The following VWF variants were observed in gnomAD, a reference collection of about 807,000 sequenced individuals.
The protein encoded by VWF is von Willebrand factor, also known as Factor VIII related antigen.
VWF carries 176 observed loss-of-function variants against 308.6 expected under a neutral mutation model. The ratio of observed to expected loss-of-function variants is 0.57; its 90% CI spans 0.50 to 0.65. The LOEUF (loss-of-function observed/expected upper bound fraction) is 0.65. VWF is among the 30% of genes least tolerant of loss of function. The pLI, the probability that VWF is intolerant of heterozygous loss-of-function variation, is 0.00. For missense variants in VWF, 3,146 were observed against 3,648.2 expected (o/e 0.86, Z 3.55); for synonymous variants, 1,385 against 1,443.4 (o/e 0.96, Z 0.92).
rs944266653 is a variant in VWF at position 6,005,001 on chromosome 12, T to C, written c.5842+6616A>G. On this transcript the variant is annotated intron_variant, in intron 34 of 51. Transcript: ENST00000261405. ...AAAATGCCAGTTCTCCCAAAGTTAATGTATAAATTTAATGCAATTCCAATA... is the reference window on the plus strand; with the variant it reads ...AAAATGCCAGTTCTCCCAAAGTTAACGTATAAATTTAATGCAATTCCAATA... Among the ~76,000 whole-genome samples the C allele has an allele frequency of 5.9e-5, 9 of 152,314 alleles. No individual in the cohort carries two copies. The South Asian group carries it at 8.3e-4, about 14-fold the overall frequency.
rs748821831 is a variant in VWF, at chr12:5,969,490, G to A, written c.7549-99C>T. Reference sequence around the variant, plus strand: ...TCTCTCAGGAAGGTGGTTTCTAGACGTGAAGCCTGGCTTAACATGTAAGTC... The same window carrying A: ...TCTCTCAGGAAGGTGGTTTCTAGACATGAAGCCTGGCTTAACATGTAAGTC... On this transcript the variant is annotated intron_variant, in intron 44 of 51. Transcript: ENST00000261405. 904 of 1,434,506 alleles carry A rather than the reference G, an allele frequency of 6.3e-4. 2 individuals are homozygous for A. The highest frequency in any genetic ancestry group is 1.3e-3 in the Middle Eastern group (7 of 5,474). 88.9% of individuals were successfully genotyped at this position (1,434,506 alleles called of 1,614,324 possible). A position where few individuals can be genotyped will look rare whatever the true frequency, so the allele number is the denominator to read the frequency against.
At chr12:6,062,722 G>A (rs1412252371) in intron 13 of VWF, among the ~76,000 whole-genome samples, 1 of 152,104 alleles carries the variant, frequency 6.6e-6, no homozygotes, top group African/African-American at 2.4e-5. Context: ...CCAGTCTAGA[G>A]GCCCTTGGGA....
chr12:6,052,072 A>AG (rs1370196932), intron 16 of VWF, among the ~76,000 whole-genome samples: 1 of 152,232 alleles, frequency 6.6e-6, no homozygotes, highest in African/African-American at 2.4e-5. Flanking sequence ...AGCTGCAGGA[A>AG]GCAAGCATGA....
intron 50 of VWF, 36 bp downstream of exon 50, chr12:5,951,808 G>A: frequency 1.9e-6 from 3 of 1,613,394 alleles, no homozygotes; most frequent in Non-Finnish European, 1.7e-6. Flanking sequence ...TTGCTCTGAT[G>A]GGTTTCAAGG....
rs1565842575 is a variant in VWF, at chr12:6,046,756, C to G, written c.2248G>C (p.Asp750His). 18 of 1,614,186 alleles carry G rather than the reference C, an allele frequency of 1.1e-5. No individual in the cohort carries two copies. Among genetic ancestry groups the G allele is most frequent in the Non-Finnish European group, 1.2e-5 (14 of 1,180,040 alleles). Residue 750 changes from aspartate to histidine, a missense_variant, in exon 17 of 52, where the codon GAC becomes CAC. Asp to His is a moderately conservative substitution (Grantham distance 81). This residue lies in a region of VWF where 1,304 missense variants were observed against 1,353.0 expected (regional missense o/e 0.96). Coordinates refer to ENST00000261405, the MANE Select transcript of VWF (RefSeq NM_000552.5). This position sits in a 1 kb window ranked among gnomAD's most constrained non-coding sequence, Gnocchi z 5.0. Reference protein sequence around the residue: ...MSGVPGSLLPDAVLSSPLSHR... With the variant: ...MSGVPGSLLPHAVLSSPLSHR... ...GACAGGGGACTGCTGAGGACAGCGT[C>G]AGGCAGCAAGCTTCCGGGGACTCCA...
chr12:6,089,239 G>A (rs952087890), intron 6 of VWF, among the ~76,000 whole-genome samples: 2 of 152,174 alleles, frequency 1.3e-5, no homozygotes, highest in African/African-American at 4.8e-5. Flanking sequence ...TTGTGCTTCC[G>A]AGCCAGTGAA....
chr12:6,017,523 A>G (rs1591861312), intron 28 of VWF, among the ~76,000 whole-genome samples: 1 of 152,266 alleles, frequency 6.6e-6, no homozygotes, highest in East Asian at 1.9e-4. Context: ...TTATTCTGGG[A>G]TGGTCCCAAA....
intron 3 of VWF, among the ~76,000 whole-genome samples, chr12:6,118,876 C>G (rs1350031616): frequency 2.6e-5 from 4 of 151,916 alleles, no homozygotes; most frequent in African/African-American, 9.6e-5. Context: ...TTCAGGGGTT[C>G]TCTCCAGCTG....
At chr12:6,050,124 A>C (rs528638272) in intron 16 of VWF, among the ~76,000 whole-genome samples, 76 of 152,288 alleles carry the variant, frequency 5.0e-4, no homozygotes, top group Non-Finnish European at 6.3e-4. Flanking sequence ...CAAAGTCATT[A>C]AGGCCAAAAC....
rs528143819 is a variant in VWF, at chr12:6,050,898, C to T, written c.2186+1645G>A. Among the ~76,000 whole-genome samples, 7 of 150,490 alleles carry T rather than the reference C, an allele frequency of 4.7e-5. No individual in the cohort carries two copies. The East Asian group carries it at 7.8e-4, about 17-fold the overall frequency. ...TGAACCCCAGAGGTGGAGGTTGCAG[C>T]GAGCCGAGATTGTGCCACTGCACTC... On this transcript the variant is annotated intron_variant, in intron 16 of 51. Coordinates refer to ENST00000261405, the MANE Select transcript of VWF (RefSeq NM_000552.5).
At chr12:5,949,919 G>T (rs748431712) in intron 50 of VWF, 36 bp from the exon 51 acceptor site, 1 of 1,595,704 alleles carries the variant, frequency 6.3e-7, no homozygotes, top group Non-Finnish European at 8.6e-7. Context: ...TTGAGGACTG[G>T]CTGGGGTTCT....
At chr12:5,987,219 TGCCCG>T (rs1555192223) in intron 38 of VWF, among the ~76,000 whole-genome samples, 1 of 152,186 alleles carries the variant, frequency 6.6e-6, no homozygotes, top group Non-Finnish European at 1.5e-5. Context: ...TGAGCCACTA[TGCCCG>T]GCCCAAATCC....
Position 6,046,707 on chromosome 12 carries a change from G to A in VWF, c.2281+16C>T, listed in dbSNP as rs374443565. 3.5e-5 allele frequency: 57 copies of A among 1,612,878 alleles called. No individual in the cohort carries two copies. The highest frequency in any genetic ancestry group is 4.5e-5 in the Non-Finnish European group (53 of 1,179,066). On this transcript the variant is annotated intron_variant, in intron 17 of 51. Coordinates refer to ENST00000261405, the MANE Select transcript of VWF (RefSeq NM_000552.5). This position sits in a 1 kb window ranked among gnomAD's most constrained non-coding sequence, Gnocchi z 5.0. ...CAGGATGGAGTCAATGGGCCTTCCA[G>A]GGGGACAGTACTCACTGCGATGAGA...
At chr12:5,969,169 G>C in intron 45 of VWF, 42 bp downstream of exon 45, 1 of 1,582,758 alleles carries the variant, frequency 6.3e-7, no homozygotes, top group Non-Finnish European at 8.6e-7. Flanking sequence ...GAGGCTTAAA[G>C]GTGGTGCCCG....
chr12:6,018,025 G>A (rs1221691022), intron 28 of VWF, among the ~76,000 whole-genome samples: 2 of 151,718 alleles, frequency 1.3e-5, no homozygotes, highest in South Asian at 2.1e-4. Context: ...GTGGAATTGG[G>A]TGGGGAAGAG....
intron 18 of VWF, among the ~76,000 whole-genome samples, chr12:6,042,765 A>G (rs1025875420): frequency 6.6e-6 from 1 of 152,228 alleles, no homozygotes; most frequent in African/African-American, 2.4e-5. Flanking sequence ...ATTTGGGGTC[A>G]TAATATAATT....
Position 5,981,770 on chromosome 12 carries a change from G to T in VWF, c.7287+16C>A, listed in dbSNP as rs1375273377. The T allele has an allele frequency of 6.2e-7, 1 of 1,613,394 alleles. No individual in the cohort carries two copies. The highest frequency in any genetic ancestry group is 1.7e-5 in the Admixed American group (1 of 60,028). On this transcript the variant is annotated intron_variant, in intron 42 of 51. Transcript: ENST00000261405. The stretch of plus-strand genomic sequence containing the variant: ...GTAAACTATTAACTGATAGTTAATA[G>T]CCAAGCAGTCCTTACCTTGTCGGGA...
chr12:6,029,628 CA>C, intron 21 of VWF, 140 bp from the exon 22 acceptor site: 5 of 1,113,876 alleles, frequency 4.5e-6, no homozygotes, highest in Non-Finnish European at 6.6e-6. Context: ...CCCCACCTGC[CA>C]CTGCACCCCT....
Position 6,065,291 on chromosome 12 carries a change from A to G in VWF, c.1157-18T>C. On this transcript the variant is annotated intron_variant, in intron 10 of 51. Coordinates refer to ENST00000261405, the MANE Select transcript of VWF (RefSeq NM_000552.5). ...GCACTCCCCTGGAGAGACACAGAGG[A>G]AGGGAGAAGAATGGGAGGTGAGGGC... 1 of 1,613,924 alleles carries G rather than the reference A, an allele frequency of 6.2e-7. No individual in the cohort carries two copies. The highest frequency in any genetic ancestry group is 2.2e-5 in the East Asian group (1 of 44,866).
Sources: gnomAD v4.1 joint callset for allele counts (sites outside exome capture counted in the v4.1 genomes callset) on GRCh38, gnomAD v4.1.1 for gene constraint, gnomAD v4.1.1 regional missense constraint, Gnocchi (gnomAD v3.1) non-coding constraint, MANE v1.5 for transcripts, NCBI Gene and HGNC (gene_info 2026-07-23, HGNC 2026-07-21) for gene names.